The following CDH8 variants were observed in gnomAD, a reference collection of about 807,000 sequenced individuals.
CDH8 encodes cadherin-8.
A neutral mutation model predicts 68.1 loss-of-function variants in CDH8; 17 were observed. The observed-to-expected ratio is 0.25, with a 90% CI of 0.17 to 0.37. The LOEUF (loss-of-function observed/expected upper bound fraction) is 0.37. Among genes scored for constraint, CDH8 ranks in the 10% least tolerant of loss-of-function variants. CDH8 has a pLI of 1.00. For missense variants in CDH8, 763 were observed against 999.3 expected (o/e 0.76, Z 3.19); for synonymous variants, 372 against 365.1 (o/e 1.02, Z -0.21).
intron 4 of CDH8, among the ~76,000 whole-genome samples, chr16:61,837,576 G>A (rs1319036919): frequency 1.3e-5 from 2 of 152,050 alleles, no homozygotes; most frequent in African/African-American, 2.4e-5. Flanking sequence ...TACATTCTAA[G>A]TGTGGAGGGC....
chr16:61,947,492 AAGG>A, intron 2 of CDH8, among the ~76,000 whole-genome samples: 1 of 152,150 alleles, frequency 6.6e-6, no homozygotes, highest in Non-Finnish European at 1.5e-5. Flanking sequence ...CCCTGCCTTC[AAGG>A]AGTTCTCATT....
intron 2 of CDH8, among the ~76,000 whole-genome samples, chr16:61,983,067 T>A (rs190634046): frequency 2.6e-5 from 4 of 152,166 alleles, no homozygotes; most frequent in African/African-American, 9.6e-5. Context: ...CCAATAAAAA[T>A]AGAACAAATC....
At chr16:61,841,491 T>C (rs967900334) in intron 4 of CDH8, among the ~76,000 whole-genome samples, 1 of 152,084 alleles carries the variant, frequency 6.6e-6, no homozygotes, top group African/African-American at 2.4e-5. Flanking sequence ...ATTGAACTCA[T>C]GAACATAATG....
Position 61,680,207 on chromosome 16 carries a change from C to T in CDH8, c.1655-24486G>A, listed in dbSNP as rs574290788. 2.6e-4 allele frequency among the ~76,000 whole-genome samples: 40 copies of T among 152,062 alleles called. 2 individuals are homozygous for T. Among genetic ancestry groups the T allele is most frequent in the Admixed American group, 1.8e-3 (28 of 15,218 alleles). On this transcript the variant is annotated intron_variant, in intron 10 of 11. Transcript: ENST00000577390. The stretch of plus-strand genomic sequence containing the variant: ...ATCTTCAAAACACTTCGGTGATTGT[C>T]CATTACTCTAATAAACAAAGTGCTT...
intron 2 of CDH8, among the ~76,000 whole-genome samples, chr16:62,009,957 A>T (rs749256361): frequency 6.6e-6 from 1 of 152,224 alleles, no homozygotes; most frequent in East Asian, 1.9e-4. Flanking sequence ...AAAGCAAAAC[A>T]TCAAGATACT....
At chr16:61,700,457 T>G (rs1292944245) in intron 10 of CDH8, among the ~76,000 whole-genome samples, 20 of 151,942 alleles carry the variant, frequency 1.3e-4, no homozygotes, top group Non-Finnish European at 2.8e-4. Context: ...ATTTTTGTAT[T>G]TTTAGTAGAG....
chr16:61,954,561 G>A (rs1480128170), intron 2 of CDH8, among the ~76,000 whole-genome samples: 1 of 152,030 alleles, frequency 6.6e-6, no homozygotes, highest in East Asian at 1.9e-4. Context: ...AATTAGCTGG[G>A]CATGGTGGTG....
intron 4 of CDH8, among the ~76,000 whole-genome samples, chr16:61,856,103 T>C (rs138093910): frequency 6.6e-6 from 1 of 152,138 alleles, no homozygotes; most frequent in Non-Finnish European, 1.5e-5. Context: ...GGGTAGTCTT[T>C]AAATTTTTAA....
chr16:61,911,304 G>A (rs994870494), intron 2 of CDH8, among the ~76,000 whole-genome samples: 7 of 152,048 alleles, frequency 4.6e-5, no homozygotes, highest in African/African-American at 9.7e-5. Flanking sequence ...GTAATAAAGC[G>A]ATTACTAACT....
intron 11 of CDH8, 106 bp from the exon 12 acceptor site, chr16:61,654,207 G>T: frequency 2.3e-6 from 2 of 879,958 alleles, no homozygotes; most frequent in Non-Finnish European, 3.5e-6. Flanking sequence ...AATTGTATGA[G>T]CATACACCTT....
intron 3 of CDH8, among the ~76,000 whole-genome samples, chr16:61,889,661 A>T (rs1963739693): frequency 6.6e-6 from 1 of 152,290 alleles, no homozygotes; most frequent in Non-Finnish European, 1.5e-5. Flanking sequence ...GCCCCTTTTA[A>T]TATATGCTTT....
intron 3 of CDH8, among the ~76,000 whole-genome samples, chr16:61,864,347 T>C (rs1329473110): frequency 2.6e-5 from 4 of 151,092 alleles, no homozygotes; most frequent in Non-Finnish European, 5.9e-5. Context: ...GGTTGGTTGA[T>C]TGAAAGTCTC....
chr16:61,857,778 AT>A (rs1264707344), intron 3 of CDH8, among the ~76,000 whole-genome samples: 3 of 152,160 alleles, frequency 2.0e-5, no homozygotes, highest in Admixed American at 6.6e-5. Flanking sequence ...TAACAGAATC[AT>A]AACCTTTTTT....
chr16:61,960,707 C>T (rs1441353881), intron 2 of CDH8, among the ~76,000 whole-genome samples: 3 of 152,066 alleles, frequency 2.0e-5, no homozygotes, highest in Non-Finnish European at 4.4e-5. Flanking sequence ...CTCCTTCCTC[C>T]CTCTCGCCCT....
At chr16:61,917,375 G>A (rs970731808) in intron 2 of CDH8, among the ~76,000 whole-genome samples, 1 of 152,126 alleles carries the variant, frequency 6.6e-6, no homozygotes, top group African/African-American at 2.4e-5. Flanking sequence ...TGGAAAGACT[G>A]GTCAGACAGC....
chr16:61,777,439 T>C (rs1960929334), intron 8 of CDH8, among the ~76,000 whole-genome samples: 1 of 152,114 alleles, frequency 6.6e-6, no homozygotes, highest in Non-Finnish European at 1.5e-5. Flanking sequence ...GGGTGGTTTA[T>C]AAAGAGTGAC....
intron 3 of CDH8, among the ~76,000 whole-genome samples, chr16:61,875,849 C>G (rs1386300336): frequency 3.3e-5 from 5 of 152,092 alleles, no homozygotes; most frequent in Non-Finnish European, 5.9e-5. Context: ...GCTATTGTGA[C>G]CAAAATAGTT....
chr16:61,800,684 G>C (rs965033825), intron 7 of CDH8, among the ~76,000 whole-genome samples: 26 of 152,138 alleles, frequency 1.7e-4, no homozygotes, highest in African/African-American at 6.3e-4. Flanking sequence ...CCAGCAAGCA[G>C]ACTTCATACT....
intron 7 of CDH8, among the ~76,000 whole-genome samples, chr16:61,799,823 T>C (rs1379936855): frequency 3.3e-5 from 5 of 152,202 alleles, no homozygotes; most frequent in Non-Finnish European, 5.9e-5. Flanking sequence ...AATTGGATAT[T>C]AAGGTTCATT....
Sources: gnomAD v4.1 joint callset for allele counts (sites outside exome capture counted in the v4.1 genomes callset) on GRCh38, gnomAD v4.1.1 for gene constraint, MANE v1.5 for transcripts, NCBI Gene and HGNC (gene_info 2026-07-23, HGNC 2026-07-21) for gene names.